LARP4B: variants seen among roughly 807,000 people sequenced by gnomAD.
LARP4B encodes la-related protein 4B.
Under a neutral mutation model 89.8 loss-of-function variants are expected in LARP4B, and 12 were observed. The ratio of observed to expected loss-of-function variants is 0.13; its 90% CI spans 0.09 to 0.22. LARP4B has a LOEUF of 0.22. LARP4B is among the 10% of genes least tolerant of loss of function. The pLI, the probability that LARP4B is intolerant of heterozygous loss-of-function variation, is 1.00. For synonymous variants in LARP4B, 367 were observed against 363.3 expected (o/e 1.01, Z -0.12); for missense variants, 757 against 947.7 (o/e 0.80, Z 2.64).
In LARP4B at chr10:859,025, G is replaced by A. The variant is rs548766290; in HGVS notation, c.430+4718C>T. ...AAGTTAGCTGGGTGTGGTGGCTCACGCCTGTAATCCCAGCACTTTGGGAGG... is the reference window on the plus strand; with the variant it reads ...AAGTTAGCTGGGTGTGGTGGCTCACACCTGTAATCCCAGCACTTTGGGAGG... On this transcript the variant is annotated intron_variant, in intron 5 of 17. Transcript: ENST00000316157. Among the ~76,000 whole-genome samples the A allele has an allele frequency of 9.9e-5, 15 of 151,956 alleles. No homozygotes were observed. In the East Asian group the frequency reaches 1.2e-3, roughly 12 times the overall value.
intron 1 of LARP4B, among the ~76,000 whole-genome samples, chr10:895,096 G>A (rs1041695172): frequency 6.6e-6 from 1 of 152,154 alleles, no homozygotes; most frequent in African/African-American, 2.4e-5. Context: ...TAAGGCAGGA[G>A]AACTGCCTGA....
intron 5 of LARP4B, among the ~76,000 whole-genome samples, chr10:861,177 C>T (rs1174023867): frequency 2.0e-5 from 3 of 152,158 alleles, no homozygotes; most frequent in South Asian, 2.1e-4. Context: ...AACAGACCAC[C>T]GGTTCCACGG....
rs938088092 is a variant in LARP4B, at chr10:841,946, T to G, written c.646+986A>C. Among the ~76,000 whole-genome samples the G allele has an allele frequency of 2.0e-5, 3 of 152,280 alleles. 1 individual carries two copies. In the South Asian group the frequency reaches 6.2e-4, roughly 32 times the overall value. On this transcript the variant is annotated intron_variant, in intron 7 of 17. Coordinates refer to ENST00000316157, the MANE Select transcript of LARP4B (RefSeq NM_015155.3). ...AAGTTCTCATGTAAGATGCTCACTTTTTTATACTACTGTAAAGTCAAATTC... is the reference window on the plus strand; with the variant it reads ...AAGTTCTCATGTAAGATGCTCACTTGTTTATACTACTGTAAAGTCAAATTC...
intron 1 of LARP4B, among the ~76,000 whole-genome samples, chr10:894,017 G>A (rs897202879): frequency 1.4e-4 from 21 of 152,178 alleles, no homozygotes; most frequent in Admixed American, 1.1e-3. Flanking sequence ...AGTCAATGGG[G>A]AGTGAATGAC....
chr10:898,111 T>C (rs1836242894), intron 1 of LARP4B, among the ~76,000 whole-genome samples: 1 of 147,420 alleles, frequency 6.8e-6, no homozygotes, highest in Admixed American at 6.8e-5. Flanking sequence ...ATGAGGGAAA[T>C]ACAAATCAAA....
chr10:842,958 A>G lies in LARP4B; in HGVS notation c.620T>C (p.Val207Ala), dbSNP rs1415795301. The G allele has an allele frequency of 1.2e-6, 2 of 1,614,158 alleles. No homozygotes were observed. Among genetic ancestry groups the G allele is most frequent in the South Asian group, 1.1e-5 (1 of 91,060 alleles). ...TCTTAGCACTTCCACAATCAAGTCCACATCAGTGCTGAGCTTCTTGATGTG... is the reference window on the plus strand; with the variant it reads ...TCTTAGCACTTCCACAATCAAGTCCGCATCAGTGCTGAGCTTCTTGATGTG... ...LDHIKKLSTDVDLIVEVLRSL... is the reference protein window; with the variant it reads ...LDHIKKLSTDADLIVEVLRSL... Residue 207 changes from valine (V) to alanine (A), a missense_variant, in exon 7 of 18, where the codon GTG (valine) becomes GCG (alanine). By Grantham distance (64) the Val-to-Ala change is moderately conservative (BLOSUM62 0). This residue lies in a region of LARP4B where 54 missense variants were observed against 96.0 expected (regional missense o/e 0.56). Coordinates refer to ENST00000316157, the MANE Select transcript of LARP4B (RefSeq NM_015155.3).
In LARP4B at chr10:814,537, T is replaced by C. The variant is rs1234444426; in HGVS notation, c.1929+205A>G. ...CTGAAATAAAAGGACTACATGGTGG[T>C]CTGAGAAAGAACTAGAGTAGTTAGT... On this transcript the variant is annotated intron_variant, in intron 17 of 17. Transcript: ENST00000316157. The surrounding 1 kb of genome is among the most constrained non-coding windows in gnomAD (Gnocchi z 4.4). The C allele has an allele frequency of 8.9e-7, 1 of 1,128,876 alleles. No homozygotes were observed. The highest frequency in any genetic ancestry group is 1.3e-6 in the Non-Finnish European group (1 of 777,300). 69.9% of individuals were successfully genotyped at this position (1,128,876 alleles called of 1,614,324 possible). A position where few individuals can be genotyped will look rare whatever the true frequency, so the allele number is the denominator to read the frequency against.
intron 12 of LARP4B, 106 bp from the exon 13 acceptor site, chr10:825,422 A>T: frequency 9.1e-7 from 1 of 1,101,026 alleles, no homozygotes; most frequent in South Asian, 1.5e-5. Context: ...TCTCTGTTTA[A>T]TAAAGTATAA....
the LARP4B span, among the ~76,000 whole-genome samples, chr10:961,266 C>A: frequency 2.6e-5 from 4 of 152,240 alleles, no homozygotes; most frequent in African/African-American, 9.6e-5. Context: ...TATAAAGGCA[C>A]ACCTGAGGCT....
At chr10:975,771 A>G in the LARP4B span, among the ~76,000 whole-genome samples, 1 of 151,800 alleles carries the variant, frequency 6.6e-6, no homozygotes, top group African/African-American at 2.4e-5. Context: ...GCCTAGTAGA[A>G]CGTAAGCCTG....
chr10:857,957 T>C (rs1834394851), intron 5 of LARP4B, among the ~76,000 whole-genome samples: 1 of 152,158 alleles, frequency 6.6e-6, no homozygotes, highest in African/African-American at 2.4e-5. Flanking sequence ...AAAAGGGTGC[T>C]TGGCATCACT....
intron 3 of LARP4B, among the ~76,000 whole-genome samples, chr10:876,833 T>C (rs577281489): frequency 1.3e-5 from 2 of 152,314 alleles, no homozygotes; most frequent in African/African-American, 2.4e-5. Context: ...GTGACAAGTC[T>C]CTGCCTGGGC....
the LARP4B span, among the ~76,000 whole-genome samples, chr10:949,968 G>A: frequency 6.6e-6 from 1 of 152,252 alleles, no homozygotes. Context: ...TATAGTTGAG[G>A]TTTTGCCATG....
At chr10:890,526 T>C (rs939063458) in intron 1 of LARP4B, among the ~76,000 whole-genome samples, 3 of 152,162 alleles carry the variant, frequency 2.0e-5, no homozygotes, top group African/African-American at 7.2e-5. Flanking sequence ...TATTAAGTAC[T>C]AGTATAAATG....
chr10:914,636 AAC>A (rs1836768638), intron 1 of LARP4B, among the ~76,000 whole-genome samples: 1 of 152,096 alleles, frequency 6.6e-6, no homozygotes, highest in African/African-American at 2.4e-5. Context: ...CTCTACTAAA[AAC>A]ACAAAAATTA....
At chr10:815,375 C>T (rs1831982650) in intron 15 of LARP4B, 1 of 213,580 alleles carries the variant, frequency 4.7e-6, no homozygotes, top group Non-Finnish European at 9.3e-6. Context: ...ATCTCACCCA[C>T]CTGGCACTTT....
chr10:849,222 C>G (rs151234710), intron 5 of LARP4B, among the ~76,000 whole-genome samples: 1 of 152,318 alleles, frequency 6.6e-6, no homozygotes, highest in Non-Finnish European at 1.5e-5. Flanking sequence ...AAACAGAACA[C>G]GTCTAGCACT....
At chr10:834,447 A>C (rs1162813127) in intron 8 of LARP4B, among the ~76,000 whole-genome samples, 1 of 152,226 alleles carries the variant, frequency 6.6e-6, no homozygotes, top group Admixed American at 6.5e-5. Context: ...CTAATCACTG[A>C]CAAGTACCTA....
the LARP4B span, among the ~76,000 whole-genome samples, chr10:958,860 A>T: frequency 7.9e-5 from 12 of 152,222 alleles, no homozygotes; most frequent in Non-Finnish European, 1.6e-4. Flanking sequence ...GACTTAAAGT[A>T]CTTATCAGAG....
Sources: allele counts gnomAD v4.1 joint callset (sites outside exome capture counted in the v4.1 genomes callset), GRCh38; gene constraint gnomAD v4.1.1; regional missense constraint gnomAD v4.1.1; non-coding constraint Gnocchi (gnomAD v3.1); transcripts MANE v1.5; gene names NCBI Gene and HGNC (gene_info 2026-07-23, HGNC 2026-07-21).